Variants in SEC23IP observed in about 807,000 individuals in gnomAD.
SEC23IP encodes the protein SEC23 interacting protein.
SEC23IP carries 70 observed loss-of-function variants against 113.4 expected under a neutral mutation model. That is an observed-to-expected ratio of 0.62 (90% CI 0.51 to 0.75). SEC23IP has a LOEUF of 0.75. Ranked by LOEUF, SEC23IP falls within the 30% of genes least tolerant of loss-of-function variation. The pLI, the probability that SEC23IP is intolerant of heterozygous loss-of-function variation, is 0.00. For missense variants in SEC23IP, 1,160 were observed against 1,204.9 expected (o/e 0.96, Z 0.55); for synonymous variants, 398 against 421.0 (o/e 0.95, Z 0.67).
intron 6 of SEC23IP, among the ~76,000 whole-genome samples, chr10:119,913,248 TTG>T (rs3065516): frequency 0.71 from 108,162 of 151,948 alleles, 38,774 homozygotes; most frequent in East Asian, 0.82. Context: ...ATATGTTTTG[TTG>T]TGTGGAGAAG....
At chr10:119,936,892 A>T (rs1855806787) in intron 18 of SEC23IP, among the ~76,000 whole-genome samples, 1 of 148,952 alleles carries the variant, frequency 6.7e-6, no homozygotes, top group Non-Finnish European at 1.5e-5. Flanking sequence ...ATTTTATTTT[A>T]TTTTATTTTT....
At chr10:119,914,240 T>C (rs1195024926) in intron 6 of SEC23IP, among the ~76,000 whole-genome samples, 1 of 152,256 alleles carries the variant, frequency 6.6e-6, no homozygotes, top group Non-Finnish European at 1.5e-5. Context: ...TTGCCTGCTT[T>C]GGTGTATGTG....
At chr10:119,907,472 C>CA (rs1278041728) in intron 4 of SEC23IP, among the ~76,000 whole-genome samples, 4 of 151,730 alleles carry the variant, frequency 2.6e-5, no homozygotes, top group African/African-American at 7.3e-5. Context: ...AATAAATGAA[C>CA]AAAAAAAAGG....
In SEC23IP at chr10:119,918,433, T is replaced by C. The variant is rs764445974; in HGVS notation, c.1794T>C (p.Asp598=). 5.8e-5 allele frequency: 93 copies of C among 1,613,078 alleles called. No individual in the cohort carries two copies. The highest frequency in any genetic ancestry group is 7.4e-5 in the Non-Finnish European group (87 of 1,179,148). ...ILFDILSNQK[D]LNLSKCPGPL... ...TTGACATCCTGTCTAATCAAAAAGA[T>C]TTGAATTTATCAAAGTGCCCTGGAC... Residue 598 remains aspartate (D), a synonymous_variant, in exon 10 of 19, where the codon GAT becomes GAC. Coordinates refer to ENST00000369075, the MANE Select transcript of SEC23IP (RefSeq NM_007190.4).
chr10:119,893,015 C>A (rs1854143883), intron 1 of SEC23IP, 70 bp downstream of exon 1: 3 of 1,516,940 alleles, frequency 2.0e-6, no homozygotes, highest in African/African-American at 1.4e-5. Context: ...AAAGGTCAGA[C>A]GGGAGTTTTT....
chr10:119,922,605 A>G (rs1328310625), intron 12 of SEC23IP, among the ~76,000 whole-genome samples: 2 of 152,188 alleles, frequency 1.3e-5, no homozygotes, highest in Non-Finnish European at 2.9e-5. Flanking sequence ...ACATAGTAGT[A>G]ATTGTAATTG....
intron 2 of SEC23IP, among the ~76,000 whole-genome samples, chr10:119,901,488 C>G (rs1854496640): frequency 6.6e-6 from 1 of 151,648 alleles, no homozygotes; most frequent in Admixed American, 6.6e-5. Context: ...TATTTTTTTG[C>G]AAACATTCCA....
chr10:119,893,020 G>A, intron 1 of SEC23IP, 75 bp downstream of exon 1: 2 of 1,497,288 alleles, frequency 1.3e-6, no homozygotes, highest in Non-Finnish European at 1.8e-6. Flanking sequence ...TCAGACGGGA[G>A]TTTTTCCTTC....
At chr10:119,900,653 C>T (rs976226141) in intron 2 of SEC23IP, among the ~76,000 whole-genome samples, 3 of 151,886 alleles carry the variant, frequency 2.0e-5, no homozygotes, top group African/African-American at 7.3e-5. Flanking sequence ...AATGCAGTGG[C>T]GCAATCACAG....
Position 119,915,833 on chromosome 10 carries a change from G to T in SEC23IP, c.1488G>T (p.Glu496Asp). 4 of 1,601,610 alleles carry T rather than the reference G, an allele frequency of 2.5e-6. No homozygotes were observed. Among genetic ancestry groups the T allele is most frequent in the Non-Finnish European group, 3.4e-6 (4 of 1,173,262 alleles). Reference sequence around the variant, plus strand: ...ATGACGGGAAAGTAAGCAGAGTGGAGTTCCTTCCAGTTCATTGGCATAGTT... The same window carrying T: ...ATGACGGGAAAGTAAGCAGAGTGGATTTCCTTCCAGTTCATTGGCATAGTT... Reference protein sequence around the residue: ...SLDDGKVSRVEFLPVHWHSSL... With the variant: ...SLDDGKVSRVDFLPVHWHSSL... The change falls in exon 8 of 19, where the codon GAG becomes GAT. Residue 496 changes from glutamate (E) to aspartate (D), a missense_variant. Glu to Asp is a conservative substitution (Grantham distance 45). Coordinates refer to ENST00000369075, the MANE Select transcript of SEC23IP (RefSeq NM_007190.4).
At chr10:119,922,577 G>A (rs1199343255) in intron 12 of SEC23IP, among the ~76,000 whole-genome samples, 1 of 152,178 alleles carries the variant, frequency 6.6e-6, no homozygotes, top group Non-Finnish European at 1.5e-5. Flanking sequence ...GGCGTGAAGT[G>A]GAGGCGGCTG....
intron 15 of SEC23IP, among the ~76,000 whole-genome samples, chr10:119,931,329 CAG>C (rs989649629): frequency 2.9e-4 from 42 of 144,896 alleles, no homozygotes; most frequent in South Asian, 6.7e-4. Context: ...ATTAGAAAAA[CAG>C]TGATTTTTAA....
chr10:119,912,504 TG>T (rs1854896500), intron 6 of SEC23IP, among the ~76,000 whole-genome samples: 1 of 152,194 alleles, frequency 6.6e-6, no homozygotes, highest in Non-Finnish European at 1.5e-5. Context: ...GGGGTACACC[TG>T]ATATTTTGAT....
intron 11 of SEC23IP, 78 bp downstream of exon 11, chr10:119,919,674 G>C (rs952207342): frequency 5.1e-6 from 6 of 1,180,282 alleles, no homozygotes; most frequent in Non-Finnish European, 7.0e-6. Context: ...AAACATTTTC[G>C]TATCAAAATA....
At chr10:119,895,893 A>T (rs547054637) in intron 1 of SEC23IP, among the ~76,000 whole-genome samples, 1 of 152,162 alleles carries the variant, frequency 6.6e-6, no homozygotes, top group Non-Finnish European at 1.5e-5. Context: ...TCAGTGATCT[A>T]TGGGCCACAT....
intron 1 of SEC23IP, 89 bp downstream of exon 1, chr10:119,893,034 CT>C: frequency 7.1e-7 from 1 of 1,408,754 alleles, no homozygotes; most frequent in South Asian, 1.3e-5. Flanking sequence ...TTCCTTCTGC[CT>C]CGAGCTACCC....
intron 18 of SEC23IP, among the ~76,000 whole-genome samples, chr10:119,936,543 CAAAA>C (rs35075710): frequency 1.7e-4 from 13 of 76,834 alleles, no homozygotes; most frequent in African/African-American, 3.1e-4. Context: ...GATTCCGTCT[CAAAA>C]AAAAAAAAAA....
chr10:119,923,265 A>G (rs1225767097), intron 12 of SEC23IP, among the ~76,000 whole-genome samples: 1 of 152,100 alleles, frequency 6.6e-6, no homozygotes, highest in Non-Finnish European at 1.5e-5. Context: ...TGGATGAACC[A>G]TGAAACTTTC....
chr10:119,901,816 A>T (rs1163889705), intron 2 of SEC23IP, among the ~76,000 whole-genome samples: 1 of 152,004 alleles, frequency 6.6e-6, no homozygotes, highest in Non-Finnish European at 1.5e-5. Flanking sequence ...CCTCCCAAGT[A>T]GCTGGGATTG....
Sources: gnomAD v4.1 joint callset for allele counts (sites outside exome capture counted in the v4.1 genomes callset) on GRCh38, gnomAD v4.1.1 for gene constraint, MANE v1.5 for transcripts, NCBI Gene and HGNC (gene_info 2026-07-23, HGNC 2026-07-21) for gene names.